Variants in DTNBP1 observed in about 807,000 individuals in gnomAD.
DTNBP1 encodes dystrobrevin binding protein 1, also known as dysbindin.
A neutral mutation model predicts 42.8 loss-of-function variants in DTNBP1; 35 were observed. The observed-to-expected ratio is 0.82, with a 90% CI of 0.63 to 1.09. The LOEUF (loss-of-function observed/expected upper bound fraction) is 1.09. DTNBP1 is among the 50% of genes least tolerant of loss of function. The pLI is 0.00. For synonymous variants in DTNBP1, 171 were observed against 162.2 expected (o/e 1.05, Z -0.41); for missense variants, 457 against 424.2 (o/e 1.08, Z -0.68).
chr6:15,549,925 G>T (rs1774115716), intron 7 of DTNBP1, among the ~76,000 whole-genome samples: 1 of 152,122 alleles, frequency 6.6e-6, no homozygotes, highest in South Asian at 2.1e-4. Flanking sequence ...TTTTTGGGCA[G>T]GGCTCTTGCC....
intron 6 of DTNBP1, among the ~76,000 whole-genome samples, chr6:15,613,235 G>A (rs1382948648): frequency 6.6e-6 from 1 of 151,166 alleles, no homozygotes. Context: ...CCCAGGAGGC[G>A]GAGGTTGCAG....
At chr6:15,662,715 G>T in intron 1 of DTNBP1, 99 bp downstream of exon 1, 1 of 1,526,562 alleles carries the variant, frequency 6.6e-7, no homozygotes, top group Non-Finnish European at 9.0e-7. Context: ...GGACAGGACG[G>T]ACCCTGGACC....
rs141253035 is a variant in DTNBP1 at position 15,537,651 on chromosome 6, G to A, written c.512-4256C>T. Among the ~76,000 whole-genome samples the A allele has an allele frequency of 2.6e-5, 4 of 152,160 alleles. No homozygotes were observed. In the East Asian group the frequency reaches 5.8e-4, roughly 22 times the overall value. On this transcript the variant is annotated intron_variant, in intron 7 of 9. Transcript: ENST00000344537. The stretch of plus-strand genomic sequence containing the variant: ...GTAATTGGATCATGGAGGCAGTTTC[G>A]CCCATGCTGTTCCTGTGATAGTGAC...
intron 7 of DTNBP1, among the ~76,000 whole-genome samples, chr6:15,583,367 G>A (rs1775922156): frequency 6.6e-6 from 1 of 152,288 alleles, no homozygotes; most frequent in Admixed American, 6.5e-5. Flanking sequence ...TCTCAGCTCA[G>A]TTGGCCACTT....
At chr6:15,654,139 A>G (rs1204782026) in intron 1 of DTNBP1, among the ~76,000 whole-genome samples, 1 of 152,262 alleles carries the variant, frequency 6.6e-6, no homozygotes, top group East Asian at 1.9e-4. Context: ...GCAATATTCA[A>G]AAGATTCAGC....
chr6:15,559,207 C>T (rs979885214), intron 7 of DTNBP1, among the ~76,000 whole-genome samples: 1 of 152,150 alleles, frequency 6.6e-6, no homozygotes, highest in African/African-American at 2.4e-5. Context: ...AAGTTGACAA[C>T]GACCAGTTGA....
chr6:15,545,556 A>G (rs1189038605), intron 7 of DTNBP1, among the ~76,000 whole-genome samples: 3 of 152,184 alleles, frequency 2.0e-5, no homozygotes, highest in Admixed American at 6.5e-5. Flanking sequence ...CTAAAAAAAG[A>G]TGATCCTTAC....
At chr6:15,541,232 G>T (rs1256976287) in intron 7 of DTNBP1, among the ~76,000 whole-genome samples, 1 of 152,180 alleles carries the variant, frequency 6.6e-6, no homozygotes, top group African/African-American at 2.4e-5. Flanking sequence ...CGACGTGACT[G>T]AATGAGGATG....
At chr6:15,578,864 C>A (rs1046234127) in intron 7 of DTNBP1, among the ~76,000 whole-genome samples, 4 of 152,144 alleles carry the variant, frequency 2.6e-5, no homozygotes, top group Non-Finnish European at 5.9e-5. Context: ...TCATCTCCTA[C>A]AGTCAGAATG....
chr6:15,524,789 T>G, intron 8 of DTNBP1, 120 bp from the exon 9 acceptor site: 1 of 1,462,460 alleles, frequency 6.8e-7, no homozygotes, highest in East Asian at 2.4e-5. Context: ...AAATGGAATT[T>G]GAAGCAACGT....
intron 7 of DTNBP1, among the ~76,000 whole-genome samples, chr6:15,580,463 T>TTACA (rs1775778954): frequency 6.6e-6 from 1 of 152,212 alleles, no homozygotes; most frequent in African/African-American, 2.4e-5. Flanking sequence ...GAGATGCTTA[T>TTACA]TACAGCACAA....
intron 7 of DTNBP1, among the ~76,000 whole-genome samples, chr6:15,553,165 C>T (rs1403151497): frequency 1.3e-5 from 2 of 151,998 alleles, no homozygotes; most frequent in Non-Finnish European, 2.9e-5. Flanking sequence ...GAATACTGCC[C>T]TGTTATATTT....
At position 15,662,898 on chromosome 6, in the gene DTNBP1, G is replaced by A; in HGVS notation, c.-29C>T. ...CGCCGCCGCCGGTCTCCTCTCCTCA[G>A]GCCTCGGGCTGCTGCTGCCTCTGTC... On this transcript the variant is annotated 5_prime_UTR_variant, in exon 1 of 10. Coordinates refer to ENST00000344537, the MANE Select transcript of DTNBP1 (RefSeq NM_032122.5). 6.2e-7 allele frequency: 1 copy of A among 1,602,194 alleles called. No homozygotes were observed. Among genetic ancestry groups the A allele is most frequent in the Non-Finnish European group, 8.5e-7 (1 of 1,179,206 alleles).
intron 3 of DTNBP1, among the ~76,000 whole-genome samples, chr6:15,644,831 C>T (rs1308317755): frequency 1.3e-5 from 2 of 151,716 alleles, no homozygotes; most frequent in Non-Finnish European, 3.0e-5. Context: ...CCAAAACACA[C>T]AAAGATCTCA....
intron 7 of DTNBP1, among the ~76,000 whole-genome samples, chr6:15,572,551 C>G (rs1161064224): frequency 6.6e-6 from 1 of 152,222 alleles, no homozygotes; most frequent in Admixed American, 6.5e-5. Context: ...AGCACTTCTA[C>G]GTAAATACCA....
intron 7 of DTNBP1, among the ~76,000 whole-genome samples, chr6:15,570,810 T>A (rs1249628379): frequency 2.0e-5 from 3 of 152,188 alleles, no homozygotes; most frequent in Non-Finnish European, 4.4e-5. Flanking sequence ...TGAATAATAT[T>A]TGAATGTAAA....
chr6:15,593,084 G>C lies in DTNBP1; in HGVS notation c.489-3C>G. The C allele has an allele frequency of 6.4e-7, 1 of 1,554,384 alleles. No homozygotes were observed. The highest frequency in any genetic ancestry group is 8.7e-7 in the Non-Finnish European group (1 of 1,151,650). On this transcript the variant is annotated splice_region_variant and splice_polypyrimidine_tract_variant and intron_variant, in intron 6 of 9. Coordinates refer to ENST00000344537, the MANE Select transcript of DTNBP1 (RefSeq NM_032122.5). ...CTTTGAAGGTTTCAAGTTCCTTCCT[G>C]TAGGAAAAAAAAAAAAAAGACAAGA...
chr6:15,590,320 C>A (rs546366484), intron 7 of DTNBP1, among the ~76,000 whole-genome samples: 36 of 152,278 alleles, frequency 2.4e-4, no homozygotes, highest in Non-Finnish European at 4.3e-4. Flanking sequence ...TTGTCAAATC[C>A]AACAGGCTCT....
At chr6:15,628,441 T>C (rs1246776854) in intron 4 of DTNBP1, among the ~76,000 whole-genome samples, 2 of 147,482 alleles carry the variant, frequency 1.4e-5, no homozygotes, top group African/African-American at 5.1e-5. Flanking sequence ...GTTTCGCTCT[T>C]GTTGCCCAGG....
Sources: gnomAD v4.1 joint callset for allele counts (sites outside exome capture counted in the v4.1 genomes callset) on GRCh38, gnomAD v4.1.1 for gene constraint, MANE v1.5 for transcripts, NCBI Gene and HGNC (gene_info 2026-07-23, HGNC 2026-07-21) for gene names.